The following SUSD6 variants were observed in gnomAD, a reference collection of about 807,000 sequenced individuals.
SUSD6 encodes sushi domain-containing protein 6.
Under a neutral mutation model 28.4 loss-of-function variants are expected in SUSD6, and 16 were observed. That is an observed-to-expected ratio of 0.56 (90% CI 0.38 to 0.86). The LOEUF is 0.86. Ranked by LOEUF, SUSD6 falls within the 40% of genes least tolerant of loss-of-function variation. The probability of loss-of-function intolerance (pLI) is 0.00; values close to 1 mark genes in which losing one functional copy is unlikely to be tolerated. For synonymous variants in SUSD6, 147 were observed against 159.6 expected, an observed-to-expected ratio of 0.92 and a Z score of 0.59; for missense variants, 341 against 384.2, an observed-to-expected ratio of 0.89 and a Z score of 0.94.
chr14:69,651,976 G>A lies in SUSD6; in HGVS notation c.-80-6537G>A, dbSNP rs144862695. 4.1e-4 allele frequency among the ~76,000 whole-genome samples: 63 copies of A among 152,310 alleles called. 1 individual carries two copies. The highest frequency in any genetic ancestry group is 1.4e-3 in the African/African-American group (59 of 41,568). ...AATTTCTGTTCATGTTTCTGGAACT[G>A]TTCTTTGTCCTTTCTCATCATGTGG... On this transcript the variant is annotated intron_variant, in intron 1 of 5. Coordinates refer to ENST00000342745, the MANE Select transcript of SUSD6 (RefSeq NM_014734.4).
intron 2 of SUSD6, among the ~76,000 whole-genome samples, chr14:69,660,884 A>G (rs1885652097): frequency 6.6e-6 from 1 of 152,266 alleles, no homozygotes; most frequent in South Asian, 2.1e-4. Context: ...GTTATGACAA[A>G]GACCATGTGG....
chr14:69,675,499 T>G (rs188299782), intron 2 of SUSD6, among the ~76,000 whole-genome samples: 172 of 151,958 alleles, frequency 1.1e-3, no homozygotes, highest in African/African-American at 3.8e-3. Flanking sequence ...TCTGGGGCTT[T>G]CTTTCTCTAT....
intron 1 of SUSD6, among the ~76,000 whole-genome samples, chr14:69,629,887 C>A (rs1214167933): frequency 1.3e-5 from 2 of 152,300 alleles, no homozygotes; most frequent in African/African-American, 4.8e-5. Context: ...AAACAGCTCC[C>A]ACGGTCGGCG....
At chr14:69,624,233 A>G (rs1885082057) in intron 1 of SUSD6, among the ~76,000 whole-genome samples, 1 of 152,260 alleles carries the variant, frequency 6.6e-6, no homozygotes, top group African/African-American at 2.4e-5. Flanking sequence ...TCTGCTGTAC[A>G]GGTTTGTAGC....
In SUSD6 at chr14:69,665,779, G is replaced by T. The variant is rs149101752; in HGVS notation, c.121+7066G>T. ...GAATGACTGCATAGTCTGATGAAAA[G>T]CATGTACTCTGGAGTCAGATTGTCT... On this transcript the variant is annotated intron_variant, in intron 2 of 5. Transcript: ENST00000342745. Among the ~76,000 whole-genome samples, 515 of 152,334 alleles carry T rather than the reference G, an allele frequency of 3.4e-3. 4 individuals are homozygous for T. The highest frequency in any genetic ancestry group is 5.3e-3 in the Non-Finnish European group (359 of 68,024).
intron 2 of SUSD6, among the ~76,000 whole-genome samples, chr14:69,695,301 A>G (rs1886209611): frequency 6.6e-6 from 1 of 152,170 alleles, no homozygotes; most frequent in Admixed American, 6.5e-5. Context: ...CTCTCACCAC[A>G]AGTCCACAGC....
At chr14:69,658,032 A>G (rs996977762) in intron 1 of SUSD6, among the ~76,000 whole-genome samples, 8 of 152,268 alleles carry the variant, frequency 5.3e-5, no homozygotes, top group Non-Finnish European at 1.2e-4. Flanking sequence ...CAGTTTAGCA[A>G]GCAGGCTGGG....
chr14:69,681,906 G>T (rs983368980), intron 2 of SUSD6, among the ~76,000 whole-genome samples: 1 of 152,186 alleles, frequency 6.6e-6, no homozygotes. Context: ...GTTAAATACT[G>T]TGTTAAATGT....
At chr14:69,707,199 A>G (rs1172760516) in intron 4 of SUSD6, among the ~76,000 whole-genome samples, 1 of 152,198 alleles carries the variant, frequency 6.6e-6, no homozygotes, top group African/African-American at 2.4e-5. Context: ...GTGTTATTGT[A>G]TTACACCAAT....
intron 1 of SUSD6, among the ~76,000 whole-genome samples, chr14:69,624,328 A>G (rs1885083399): frequency 6.6e-6 from 1 of 152,234 alleles, no homozygotes; most frequent in Non-Finnish European, 1.5e-5. Flanking sequence ...CCACACAACA[A>G]CATTGCCTAA....
chr14:69,628,453 A>C (rs1396053376), intron 1 of SUSD6, among the ~76,000 whole-genome samples: 1 of 152,214 alleles, frequency 6.6e-6, no homozygotes. Flanking sequence ...GGGTTAAGAC[A>C]TCTGTATTTA....
intron 1 of SUSD6, among the ~76,000 whole-genome samples, chr14:69,645,313 T>C (rs1885410590): frequency 6.6e-6 from 1 of 152,188 alleles, no homozygotes; most frequent in Non-Finnish European, 1.5e-5. Context: ...TGGGACCATA[T>C]GTATGGAGAA....
At position 69,658,005 on chromosome 14, in the gene SUSD6, G is replaced by A. The variant is rs186319305; in HGVS notation, c.-80-508G>A. Among the ~76,000 whole-genome samples, 88 of 152,306 alleles carry A rather than the reference G, an allele frequency of 5.8e-4. 1 individual carries two copies. The highest frequency in any genetic ancestry group is 1.3e-3 in the African/African-American group (56 of 41,566). ...TCACGGCTGTCGAGTCAGGTCCTCC[G>A]GCTCATCAGCCTTTGGCAGTTTAGC... On this transcript the variant is annotated intron_variant, in intron 1 of 5. Transcript: ENST00000342745.
chr14:69,672,018 T>G (rs1885840356), intron 2 of SUSD6, among the ~76,000 whole-genome samples: 1 of 152,200 alleles, frequency 6.6e-6, no homozygotes, highest in Admixed American at 6.5e-5. Context: ...AAAGTCTATT[T>G]CAATGGAATG....
At chr14:69,628,866 C>G (rs1025220841) in intron 1 of SUSD6, among the ~76,000 whole-genome samples, 2 of 151,816 alleles carry the variant, frequency 1.3e-5, no homozygotes, top group Non-Finnish European at 2.9e-5. Context: ...ACCACTACAC[C>G]CAGCTAATTT....
intron 2 of SUSD6, among the ~76,000 whole-genome samples, chr14:69,699,745 G>A (rs1165763063): frequency 1.3e-5 from 2 of 152,132 alleles, no homozygotes; most frequent in African/African-American, 4.8e-5. Context: ...CACAGCCATG[G>A]AAAATTAGGA....
chr14:69,665,379 G>T (rs1463586069), intron 2 of SUSD6, among the ~76,000 whole-genome samples: 1 of 152,104 alleles, frequency 6.6e-6, no homozygotes, highest in Non-Finnish European at 1.5e-5. Context: ...CTCCTGAGTA[G>T]CTGGGACTAT....
rs184449766 is a variant in SUSD6, at chr14:69,619,438, A to G, written c.-81+7610A>G. ...TAGGCTGTGCCTGCTTAACTTTTAA[A>G]TCTCTGTGCTGTGTATCTTTGCCAT... On this transcript the variant is annotated intron_variant, in intron 1 of 5. Coordinates refer to ENST00000342745, the MANE Select transcript of SUSD6 (RefSeq NM_014734.4). Among the ~76,000 whole-genome samples the G allele has an allele frequency of 2.0e-3, 299 of 152,028 alleles. 5 individuals are homozygous for G. The highest frequency in any genetic ancestry group is 9.5e-3 in the East Asian group (49 of 5,172).
At chr14:69,635,696 A>G (rs1386087118) in intron 1 of SUSD6, among the ~76,000 whole-genome samples, 1 of 152,164 alleles carries the variant, frequency 6.6e-6, no homozygotes, top group Non-Finnish European at 1.5e-5. Context: ...AGTTTAGAAC[A>G]CAGGGTTCCC....
Sources: gnomAD v4.1 joint callset for allele counts (sites outside exome capture counted in the v4.1 genomes callset) on GRCh38, gnomAD v4.1.1 for gene constraint, MANE v1.5 for transcripts, NCBI Gene and HGNC (gene_info 2026-07-23, HGNC 2026-07-21) for gene names.